SCAP: variants seen among roughly 807,000 people sequenced by gnomAD.
SCAP encodes the protein SREBF chaperone, also known as sterol regulatory element-binding protein cleavage-activating protein.
A neutral mutation model predicts 123.6 loss-of-function variants in SCAP; 65 were observed. That is an observed-to-expected ratio of 0.53 (90% CI 0.43 to 0.65). The LOEUF (loss-of-function observed/expected upper bound fraction) is 0.65. Ranked by LOEUF, SCAP falls within the 30% of genes least tolerant of loss-of-function variation. The pLI is 0.00. For synonymous variants in SCAP, 740 were observed against 726.3 expected, an observed-to-expected ratio of 1.02 and a Z score of -0.30; for missense variants, 1,398 against 1,712.5, an observed-to-expected ratio of 0.82 and a Z score of 3.24.
chr3:47,448,393 T>G (rs1422460934), intron 1 of SCAP, among the ~76,000 whole-genome samples: 1 of 152,154 alleles, frequency 6.6e-6, no homozygotes, highest in African/African-American at 2.4e-5. Context: ...AATTTCTACG[T>G]AGACTTATCA....
intron 1 of SCAP, among the ~76,000 whole-genome samples, chr3:47,467,430 C>A (rs947775046): frequency 6.6e-6 from 1 of 151,488 alleles, no homozygotes; most frequent in Non-Finnish European, 1.5e-5. Flanking sequence ...CATGGTGAAA[C>A]CCCATCTCCA....
intron 10 of SCAP, among the ~76,000 whole-genome samples, chr3:47,421,970 G>C (rs900507257): frequency 6.6e-6 from 1 of 152,286 alleles, no homozygotes; most frequent in African/African-American, 2.4e-5. Context: ...CCTCCCACTG[G>C]TCAGGCCAGG....
At chr3:47,459,454 C>A (rs1389397267) in intron 1 of SCAP, among the ~76,000 whole-genome samples, 1 of 152,160 alleles carries the variant, frequency 6.6e-6, no homozygotes, top group Non-Finnish European at 1.5e-5. Flanking sequence ...AACATAGGTT[C>A]TTTCTATTTT....
intron 10 of SCAP, 111 bp from the exon 11 acceptor site, chr3:47,421,140 C>T: frequency 1.2e-6 from 1 of 805,512 alleles, no homozygotes; most frequent in Non-Finnish European, 2.2e-6. Context: ...CAGCAGCAGG[C>T]AGGGCACAGC....
intron 20 of SCAP, 38 bp from the exon 21 acceptor site, chr3:47,414,690 A>G (rs1382112239): frequency 1.2e-6 from 2 of 1,612,388 alleles, no homozygotes; most frequent in African/African-American, 2.7e-5. Context: ...GGTCTCTGGG[A>G]TTTTCCAAGT....
chr3:47,426,631 G>C (rs951037998), intron 6 of SCAP, among the ~76,000 whole-genome samples: 5 of 152,022 alleles, frequency 3.3e-5, no homozygotes, highest in African/African-American at 9.7e-5. Context: ...TAGAGACGGG[G>C]TTTCACCGTG....
intron 1 of SCAP, among the ~76,000 whole-genome samples, chr3:47,461,851 C>T (rs1707652393): frequency 6.6e-6 from 1 of 152,088 alleles, no homozygotes; most frequent in Admixed American, 6.6e-5. Context: ...GTGAGCAACA[C>T]GGTGAAACCC....
intron 22 of SCAP, 39 bp downstream of exon 22, chr3:47,414,141 C>G (rs779735698): frequency 1.2e-6 from 2 of 1,613,576 alleles, no homozygotes; most frequent in Non-Finnish European, 1.7e-6. Context: ...GAGTCCTTCC[C>G]TAAAATCCCA....
chr3:47,465,852 A>AC (rs1491487359), intron 1 of SCAP, among the ~76,000 whole-genome samples: 19 of 151,250 alleles, frequency 1.3e-4, no homozygotes, highest in Non-Finnish European at 2.2e-4. Context: ...AAAAAAAAAA[A>AC]AGCTGGGTGC....
chr3:47,454,409 G>A (rs942569273), intron 1 of SCAP, among the ~76,000 whole-genome samples: 1 of 151,616 alleles, frequency 6.6e-6, no homozygotes, highest in Non-Finnish European at 1.5e-5. Flanking sequence ...ATATGTGTAC[G>A]TTGATTTACA....
At chr3:47,475,082 A>G (rs1347816044) in intron 1 of SCAP, among the ~76,000 whole-genome samples, 1 of 152,168 alleles carries the variant, frequency 6.6e-6, no homozygotes, top group Admixed American at 6.5e-5. Flanking sequence ...CCTAGCTCCG[A>G]CTGTCGCCAT....
intron 1 of SCAP, among the ~76,000 whole-genome samples, chr3:47,444,018 T>C (rs1706927099): frequency 6.6e-6 from 1 of 152,278 alleles, no homozygotes; most frequent in Non-Finnish European, 1.5e-5. Flanking sequence ...GACTGGCTCA[T>C]CAACTTTTTT....
In SCAP at chr3:47,436,038, C is replaced by T. The variant is rs575572122; in HGVS notation, c.123-901G>A. Among the ~76,000 whole-genome samples the T allele has an allele frequency of 1.2e-3, 178 of 151,780 alleles. 4 individuals carry two copies. In the South Asian group the frequency reaches 0.037, roughly 31 times the overall value. ...CACTCCAGCCTGGGCAACATAAGAC[C>T]CCTGTCTCTGAAAGAAAAAAGTTTT... On this transcript the variant is annotated intron_variant, in intron 2 of 22. Transcript: ENST00000265565.
chr3:47,417,341 T>C lies in SCAP; in HGVS notation c.2933A>G (p.Asn978Ser). Residue 978 changes from asparagine to serine, a missense_variant, in exon 17 of 23, where the codon AAC becomes AGC. Coordinates refer to ENST00000265565, the MANE Select transcript of SCAP (RefSeq NM_012235.4). ...GSIWSLELQG[N>S]LIVVGRSSGR... Reference sequence around the variant, plus strand: ...GCTGCTCCGCCCCACCACGATGAGGTTGCCCTGCAGCTCCAAGCTCCAGAT... The same window carrying C: ...GCTGCTCCGCCCCACCACGATGAGGCTGCCCTGCAGCTCCAAGCTCCAGAT... The C allele has an allele frequency of 6.2e-7, 1 of 1,611,548 alleles. No homozygotes were observed. The highest frequency in any genetic ancestry group is 1.1e-5 in the South Asian group (1 of 90,930).
chr3:47,417,884 G>GGGAGAGGGGGGTGAGA, intron 16 of SCAP, 58 bp from the exon 17 acceptor site: 1 of 239,386 alleles, frequency 4.2e-6, no homozygotes, highest in Non-Finnish European at 7.6e-6. Flanking sequence ...GAGAGGGGGC[G>GGGAGAGGGGGGTGAGA]GGGGACGGGG....
At chr3:47,424,227 C>T (rs1310354125) in intron 8 of SCAP, among the ~76,000 whole-genome samples, 182 bp from the exon 9 acceptor site, 2 of 152,210 alleles carry the variant, frequency 1.3e-5, no homozygotes, top group Non-Finnish European at 2.9e-5. Context: ...ACACAGCACT[C>T]AGCTTTCAGG....
chr3:47,425,536 A>G lies in SCAP; in HGVS notation c.986T>C (p.Met329Thr). The G allele has an allele frequency of 6.2e-7, 1 of 1,614,078 alleles. No homozygotes were observed. Among genetic ancestry groups the G allele is most frequent in the Non-Finnish European group, 8.5e-7 (1 of 1,180,042 alleles). ...AVVTVLSSLL[M>T]SVGLCTLFGL... ...GAAGAGTGTGCAGAGTCCCACAGAC[A>G]TGAGCAGCGAGCTGAGCACTGTGAC... The change falls in exon 8 of 23, where the codon ATG becomes ACG. Residue 329 changes from methionine to threonine, a missense_variant. Physicochemically the swap from Met to Thr is moderately conservative, Grantham distance 81. This residue lies in a region of SCAP where 319 missense variants were observed against 432.4 expected (regional missense o/e 0.74). Coordinates refer to ENST00000265565, the MANE Select transcript of SCAP (RefSeq NM_012235.4).
rs1381324739 is a variant in SCAP, at chr3:47,421,142, G to C, written c.1246-113C>G. 3 of 807,354 alleles carry C rather than the reference G, an allele frequency of 3.7e-6. No homozygotes were observed. The African/African-American group carries it at 5.0e-5, about 14-fold the overall frequency. The allele number at this position is 807,354 out of a possible 1,614,324, so 50.0% of individuals were successfully genotyped here. A position where few individuals can be genotyped will look rare whatever the true frequency, so the allele number is the denominator to read the frequency against. On this transcript the variant is annotated intron_variant, in intron 10 of 22. Transcript: ENST00000265565. Reference sequence around the variant, plus strand: ...ATAACCGGCAGGGCAGCAGCAGGCAGGGCACAGCAGAGATGAGAGATGCTG... The same window carrying C: ...ATAACCGGCAGGGCAGCAGCAGGCACGGCACAGCAGAGATGAGAGATGCTG...
In SCAP at chr3:47,427,557, G is replaced by A; in HGVS notation, c.521C>T (p.Pro174Leu). 1 of 1,614,172 alleles carries A rather than the reference G, an allele frequency of 6.2e-7. No individual in the cohort carries two copies. Among genetic ancestry groups the A allele is most frequent in the Non-Finnish European group, 8.5e-7 (1 of 1,180,018 alleles). Residue 174 changes from proline (P) to leucine (L), a missense_variant, in exon 5 of 23, where the codon CCT becomes CTT. Around this residue, in one of 7 missense-constraint regions of SCAP, gnomAD observed 319 missense variants for 432.4 expected, o/e 0.74. Transcript: ENST00000265565. ...LPEHGCLLLS[P>L]GNFWQNDWER... ...CCAGTCATTCTGCCAGAAGTTCCCA[G>A]GGGACAGCAGCAGGCATCCATGCTC...
Sources: gnomAD v4.1 joint callset for allele counts (sites outside exome capture counted in the v4.1 genomes callset) on GRCh38, gnomAD v4.1.1 for gene constraint, gnomAD v4.1.1 regional missense constraint, MANE v1.5 for transcripts, NCBI Gene and HGNC (gene_info 2026-07-23, HGNC 2026-07-21) for gene names.